Variants in ARID3A observed in about 807,000 individuals in gnomAD.
The protein encoded by ARID3A is AT-rich interactive domain-containing protein 3A.
Under a neutral mutation model 52.7 loss-of-function variants are expected in ARID3A, and 11 were observed. The observed-to-expected ratio is 0.21, with a 90% confidence interval of 0.13 to 0.35. The LOEUF is 0.35. Ranked by LOEUF, ARID3A falls within the 10% of genes least tolerant of loss-of-function variation. The probability of loss-of-function intolerance (pLI) is 1.00; values close to 1 mark genes in which losing one functional copy is unlikely to be tolerated. For synonymous variants in ARID3A, 404 were observed against 359.4 expected (o/e 1.12, Z -1.40); for missense variants, 721 against 838.5 (o/e 0.86, Z 1.73).
intron 3 of ARID3A, among the ~76,000 whole-genome samples, chr19:937,189 G>A (rs11668465): frequency 0.079 from 11,847 of 150,852 alleles, 577 homozygotes; most frequent in African/African-American, 0.13. Context: ...GCTTGAACCC[G>A]GGAGGCGGAG....
chr19:975,446 C>T lies in ARID3A; in HGVS notation c.*3381C>T. The stretch of plus-strand genomic sequence containing the variant: ...CTTTCTCTTATCATGTTTTACCCAC[C>T]TTGTCCCTTTTTTCCCCAATTGTGC... On this transcript the variant is annotated 3_prime_UTR_variant, in exon 9 of 9. Coordinates refer to ENST00000263620, the MANE Select transcript of ARID3A (RefSeq NM_005224.3). 1 of 230,848 alleles carries T rather than the reference C, an allele frequency of 4.3e-6. No homozygotes were observed. The highest frequency in any genetic ancestry group is 2.2e-5 in the African/African-American group (1 of 45,284). 14.3% of individuals were successfully genotyped at this position (230,848 alleles called of 1,614,324 possible).
At chr19:946,318 G>A (rs536733088) in intron 3 of ARID3A, among the ~76,000 whole-genome samples, 4 of 152,046 alleles carry the variant, frequency 2.6e-5, no homozygotes, top group Non-Finnish European at 5.9e-5. Flanking sequence ...CTGGAGTGCA[G>A]TGGTGCGATC....
intron 2 of ARID3A, 126 bp from the exon 3 acceptor site, chr19:932,292 G>T (rs2037347876): frequency 1.3e-6 from 2 of 1,524,374 alleles, no homozygotes; most frequent in Non-Finnish European, 8.8e-7. Flanking sequence ...TGCAGTCTGA[G>T]CTGGCGGCGG....
intron 8 of ARID3A, 34 bp from the exon 9 acceptor site, chr19:971,844 T>C: frequency 1.3e-6 from 2 of 1,568,628 alleles, no homozygotes; most frequent in Non-Finnish European, 1.7e-6. Context: ...CTTCTTAAAC[T>C]CTGCATGGCA....
chr19:948,702 CTTTTTTTTTT>C (rs35592836), intron 3 of ARID3A, among the ~76,000 whole-genome samples: 4 of 77,290 alleles, frequency 5.2e-5, no homozygotes, highest in South Asian at 1.0e-3. Context: ...GGCCTGGAGT[CTTTTTTTTTT>C]TTTTTTTTTT....
chr19:960,049 G>C lies in ARID3A; in HGVS notation c.694-43G>C, dbSNP rs1349556979. The C allele has an allele frequency of 6.4e-7, 1 of 1,566,108 alleles. No homozygotes were observed. Among genetic ancestry groups the C allele is most frequent in the Non-Finnish European group, 8.8e-7 (1 of 1,141,128 alleles). On this transcript the variant is annotated intron_variant, in intron 3 of 8. Transcript: ENST00000263620. This position sits in a 1 kb window ranked among gnomAD's most constrained non-coding sequence, Gnocchi z 4.3. ...CAGGAGGGACATGGTTCCCACACCT[G>C]AGCTCTGGCACCAACTAACCCATCC...
intron 3 of ARID3A, among the ~76,000 whole-genome samples, chr19:951,571 C>T (rs1448649387): frequency 6.6e-6 from 1 of 151,822 alleles, no homozygotes; most frequent in African/African-American, 2.4e-5. Context: ...AAAAAAACAA[C>T]GTAGACTAAA....
chr19:931,148 G>T (rs891086300), intron 2 of ARID3A, among the ~76,000 whole-genome samples: 1 of 152,044 alleles, frequency 6.6e-6, no homozygotes, highest in East Asian at 1.9e-4. Flanking sequence ...ACAAAAATTA[G>T]TCGGGTGTTG....
At position 941,816 on chromosome 19, in the gene ARID3A, G is replaced by A. The variant is rs1219621889; in HGVS notation, c.693+9074G>A. ...GTGTGTGTGTGTGTGTGTCAGGGGT[G>A]GCTGCAAGCGTATGTGTGTGTGCAC... On this transcript the variant is annotated intron_variant, in intron 3 of 8. Transcript: ENST00000263620. The surrounding 1 kb of genome is among the most constrained non-coding windows in gnomAD (Gnocchi z 6.9). Among the ~76,000 whole-genome samples, 1 of 140,950 alleles carries A rather than the reference G, an allele frequency of 7.1e-6. No homozygotes were observed. The highest frequency in any genetic ancestry group is 1.5e-5 in the Non-Finnish European group (1 of 65,922). The allele number at this position is 140,950 out of a possible 152,430, so 92.5% of individuals were successfully genotyped here.
At chr19:940,543 A>T (rs2037527672) in intron 3 of ARID3A, among the ~76,000 whole-genome samples, 1 of 152,082 alleles carries the variant, frequency 6.6e-6, no homozygotes, top group Non-Finnish European at 1.5e-5. Flanking sequence ...GAAGAGGCCA[A>T]CACTGCAGCT....
At chr19:948,915 G>A (rs1000260480) in intron 3 of ARID3A, among the ~76,000 whole-genome samples, 3 of 151,938 alleles carry the variant, frequency 2.0e-5, no homozygotes, top group African/African-American at 7.3e-5. Context: ...TGCCATGTTG[G>A]CCGGGCTGGT....
rs2038011782 is a variant in ARID3A, at chr19:960,252, G to A, written c.766+88G>A. 2.3e-5 allele frequency: 30 copies of A among 1,280,790 alleles called. No individual in the cohort carries two copies. The highest frequency in any genetic ancestry group is 1.9e-4 in the Middle Eastern group (1 of 5,142). 79.3% of individuals were successfully genotyped at this position (1,280,790 alleles called of 1,614,324 possible). On this transcript the variant is annotated intron_variant, in intron 4 of 8. Coordinates refer to ENST00000263620, the MANE Select transcript of ARID3A (RefSeq NM_005224.3). This position sits in a 1 kb window ranked among gnomAD's most constrained non-coding sequence, Gnocchi z 4.3. Reference sequence around the variant, plus strand: ...CTACTGGCTCCAGGTATGTCGGGGCGGTGGTGAGCACCCCGTGGCTGGAGG... The same window carrying A: ...CTACTGGCTCCAGGTATGTCGGGGCAGTGGTGAGCACCCCGTGGCTGGAGG...
intron 2 of ARID3A, among the ~76,000 whole-genome samples, chr19:932,154 G>T (rs535031944): frequency 1.3e-5 from 2 of 152,138 alleles, no homozygotes; most frequent in African/African-American, 4.8e-5. Context: ...GTGCGCCACC[G>T]TGGCTGCCTG....
At chr19:930,131 G>T (rs1179530802) in intron 2 of ARID3A, among the ~76,000 whole-genome samples, 1 of 152,012 alleles carries the variant, frequency 6.6e-6, no homozygotes, top group East Asian at 1.9e-4. Context: ...AGGCATGGTG[G>T]TGCACCTGTG....
Position 964,800 on chromosome 19 carries a change from G to A in ARID3A, c.951-33G>A, listed in dbSNP as rs754730065. ...CCAAAGAGAGCCGTAGGGGTGACCC[G>A]GGTGCCATCCTCTTCCCTCGTCCCA... On this transcript the variant is annotated intron_variant, in intron 5 of 8. Coordinates refer to ENST00000263620, the MANE Select transcript of ARID3A (RefSeq NM_005224.3). This position sits in a 1 kb window ranked among gnomAD's most constrained non-coding sequence, Gnocchi z 5.7. 4.6e-5 allele frequency: 73 copies of A among 1,601,256 alleles called. No individual in the cohort carries two copies. The highest frequency in any genetic ancestry group is 1.7e-4 in the African/African-American group (13 of 74,798).
rs1178915099 is a variant in ARID3A at position 973,634 on chromosome 19, A to C, written c.*1569A>C. The C allele has an allele frequency of 8.9e-6, 2 of 225,262 alleles. No individual in the cohort carries two copies. The highest frequency in any genetic ancestry group is 1.8e-5 in the Non-Finnish European group (2 of 113,084). The allele number at this position is 225,262 out of a possible 1,614,324, so 14.0% of individuals were successfully genotyped here. A position where few individuals can be genotyped will look rare whatever the true frequency, so the allele number is the denominator to read the frequency against. On this transcript the variant is annotated 3_prime_UTR_variant, in exon 9 of 9. Transcript: ENST00000263620. ...AGGGTGAGGATTTCAGGGCCCCGGC[A>C]TCCTGAACACCCCCCACACCCCAAC... is the stretch of plus-strand genomic sequence containing the variant.
intron 3 of ARID3A, among the ~76,000 whole-genome samples, chr19:957,097 C>T (rs1424894808): frequency 4.1e-5 from 4 of 97,884 alleles, no homozygotes; most frequent in South Asian, 3.8e-4. Context: ...CCACCCTGCC[C>T]GCCCGAACCT....
At chr19:966,076 A>T (rs2038144567) in intron 6 of ARID3A, among the ~76,000 whole-genome samples, 1 of 149,912 alleles carries the variant, frequency 6.7e-6, no homozygotes, top group African/African-American at 2.5e-5. Flanking sequence ...CAGAAGAATC[A>T]CCTGAGCCTG....
chr19:967,787 G>A (rs565920559), intron 7 of ARID3A, among the ~76,000 whole-genome samples: 4 of 151,928 alleles, frequency 2.6e-5, no homozygotes, highest in Admixed American at 2.0e-4. Context: ...GCCCACGCCT[G>A]TAATCCCAGC....
Sources: allele counts gnomAD v4.1 joint callset (sites outside exome capture counted in the v4.1 genomes callset), GRCh38; gene constraint gnomAD v4.1.1; non-coding constraint Gnocchi (gnomAD v3.1); transcripts MANE v1.5; gene names NCBI Gene and HGNC (gene_info 2026-07-23, HGNC 2026-07-21).